PSMB1: variants seen among roughly 807,000 people sequenced by gnomAD.
PSMB1 encodes the protein proteasome 20S subunit beta 1.
Under a neutral mutation model 25.4 loss-of-function variants are expected in PSMB1, and 7 were observed. The observed-to-expected ratio is 0.28, with a 90% CI of 0.16 to 0.52. The LOEUF (loss-of-function observed/expected upper bound fraction) is 0.52. PSMB1 is among the 20% of genes least tolerant of loss of function. The pLI is 0.97. For synonymous variants in PSMB1, 119 were observed against 115.0 expected (o/e 1.03, Z -0.22); for missense variants, 284 against 302.2 (o/e 0.94, Z 0.45).
In PSMB1 at chr6:170,535,129, T is replaced by C. The variant is rs902379302; in HGVS notation, c.*91A>G. 1.7e-6 allele frequency: 2 copies of C among 1,184,882 alleles called. No individual in the cohort carries two copies. The highest frequency in any genetic ancestry group is 2.0e-5 in the South Asian group (1 of 49,362). The allele number at this position is 1,184,882 out of a possible 1,614,324, so 73.4% of individuals were successfully genotyped here. A position where few individuals can be genotyped will look rare whatever the true frequency, so the allele number is the denominator to read the frequency against. On this transcript the variant is annotated 3_prime_UTR_variant, in exon 6 of 6. Coordinates refer to ENST00000262193, the MANE Select transcript of PSMB1 (RefSeq NM_002793.4). The stretch of plus-strand genomic sequence containing the variant: ...GTTATAGCAAAATGAGTACTTCAGG[T>C]TTCTCTTTTAATAAACAAAACCATC...
Position 170,539,146 on chromosome 6 carries a change from A to G in PSMB1, c.434-1806T>C, listed in dbSNP as rs139655514. On this transcript the variant is annotated intron_variant, in intron 4 of 5. Transcript: ENST00000262193. ...GTAGAATGGCATGAATCTTGATTAC[A>G]AAGTGCTTTTCCTCATCAAAGTAAA... Among the ~76,000 whole-genome samples, 589 of 152,362 alleles carry G rather than the reference A, an allele frequency of 3.9e-3. 5 individuals are homozygous for G. The highest frequency in any genetic ancestry group is 0.014 in the African/African-American group (566 of 41,592).
chr6:170,544,842 T>C (rs1778798198), intron 3 of PSMB1, among the ~76,000 whole-genome samples: 2 of 152,224 alleles, frequency 1.3e-5, no homozygotes, highest in African/African-American at 4.8e-5. Context: ...ATAAAAACTA[T>C]AAAAAATTAT....
At chr6:170,546,956 A>G (rs1778826713) in intron 2 of PSMB1, among the ~76,000 whole-genome samples, 1 of 152,236 alleles carries the variant, frequency 6.6e-6, no homozygotes, top group Non-Finnish European at 1.5e-5. Context: ...AAGCAATAAC[A>G]TAAAGGAAAG....
At chr6:170,544,467 C>G (rs1295019539) in intron 3 of PSMB1, among the ~76,000 whole-genome samples, 1 of 152,212 alleles carries the variant, frequency 6.6e-6, no homozygotes, top group Non-Finnish European at 1.5e-5. Context: ...CTACATTACC[C>G]ACTGGTAGAG....
At chr6:170,541,302 GTTAAC>G (rs1778756656) in intron 4 of PSMB1, among the ~76,000 whole-genome samples, 2 of 152,118 alleles carry the variant, frequency 1.3e-5, no homozygotes, top group East Asian at 1.9e-4. Flanking sequence ...ATTAGAGATA[GTTAAC>G]TTAAGAAAAA....
At chr6:170,538,301 A>G (rs1229337409) in intron 4 of PSMB1, among the ~76,000 whole-genome samples, 3 of 152,236 alleles carry the variant, frequency 2.0e-5, no homozygotes, top group Non-Finnish European at 2.9e-5. Flanking sequence ...TAGAAAACAC[A>G]TTATATACCA....
At chr6:170,547,221 T>C (rs1187127226) in intron 2 of PSMB1, among the ~76,000 whole-genome samples, 1 of 152,182 alleles carries the variant, frequency 6.6e-6, no homozygotes, top group Non-Finnish European at 1.5e-5. Flanking sequence ...ACCAATTCTA[T>C]TGCTAGAAAT....
chr6:170,551,342 G>A (rs1778899274), intron 1 of PSMB1, among the ~76,000 whole-genome samples: 1 of 152,090 alleles, frequency 6.6e-6, no homozygotes, highest in African/African-American at 2.4e-5. Flanking sequence ...AGACATGAAA[G>A]AGTGCTGAGC....
chr6:170,552,291 TAAC>T (rs1205922574), intron 1 of PSMB1, among the ~76,000 whole-genome samples: 1 of 152,232 alleles, frequency 6.6e-6, no homozygotes, highest in Non-Finnish European at 1.5e-5. Flanking sequence ...GCTTGATTGG[TAAC>T]TATAACCACT....
At chr6:170,545,538 A>G (rs1367466128) in intron 3 of PSMB1, among the ~76,000 whole-genome samples, 1 of 152,232 alleles carries the variant, frequency 6.6e-6, no homozygotes, top group Non-Finnish European at 1.5e-5. Context: ...TTATTCATGA[A>G]TAGGCAAAAC....
At chr6:170,540,029 A>C (rs1451739226) in intron 4 of PSMB1, among the ~76,000 whole-genome samples, 6 of 152,214 alleles carry the variant, frequency 3.9e-5, no homozygotes, top group African/African-American at 1.4e-4. Context: ...TGTATGTATA[A>C]ACATGTACTG....
At chr6:170,547,872 C>A (rs1469275631) in intron 2 of PSMB1, among the ~76,000 whole-genome samples, 1 of 105,110 alleles carries the variant, frequency 9.5e-6, no homozygotes, top group Non-Finnish European at 1.8e-5. Context: ...CTATATCTGA[C>A]GTGTTTCACA....
At chr6:170,551,224 TGA>T (rs1778897175) in intron 1 of PSMB1, among the ~76,000 whole-genome samples, 2 of 152,122 alleles carry the variant, frequency 1.3e-5, no homozygotes, top group African/African-American at 4.8e-5. Context: ...TGAGTTGCCC[TGA>T]GAGCAGAAAA....
At chr6:170,537,373 T>C in intron 4 of PSMB1, 33 bp from the exon 5 acceptor site, 2 of 1,516,346 alleles carry the variant, frequency 1.3e-6, no homozygotes, top group African/African-American at 1.4e-5. Flanking sequence ...ATAAGGATGG[T>C]ATCCAATCAC....
intron 4 of PSMB1, among the ~76,000 whole-genome samples, chr6:170,543,204 T>C (rs998479067): frequency 1.1e-4 from 16 of 152,220 alleles, no homozygotes; most frequent in African/African-American, 3.9e-4. Context: ...ATGCTTATTA[T>C]TAATTACCCC....
In PSMB1 at chr6:170,553,224, T is replaced by G. The variant is rs200449804; in HGVS notation, c.19A>C (p.Met7Leu). The G allele has an allele frequency of 6.8e-6, 11 of 1,612,898 alleles. No homozygotes were observed. Among genetic ancestry groups the G allele is most frequent in the Admixed American group, 3.3e-5 (2 of 59,892 alleles). Residue 7 changes from methionine to leucine, a missense_variant, in exon 1 of 6, where the codon ATG (methionine) becomes CTG (leucine). By Grantham distance (15) the Met-to-Leu change is conservative. Coordinates refer to ENST00000262193, the MANE Select transcript of PSMB1 (RefSeq NM_002793.4). Reference sequence around the variant, plus strand: ...AAGTCTCTGCCAGGAGCCGAATACATGGCTGTAGAGGACAACATCGCACGG... The same window carrying G: ...AAGTCTCTGCCAGGAGCCGAATACAGGGCTGTAGAGGACAACATCGCACGG... MLSSTA[M>L]YSAPGRDLGM... is the part of the protein sequence containing the mutation.
At chr6:170,541,083 A>T (rs1408396460) in intron 4 of PSMB1, among the ~76,000 whole-genome samples, 1 of 152,160 alleles carries the variant, frequency 6.6e-6, no homozygotes. Flanking sequence ...TGTTTTTTTC[A>T]GAAATCTTTT....
chr6:170,543,646 A>G lies in PSMB1; in HGVS notation c.388T>C (p.Phe130Leu), dbSNP rs760915089. 1.2e-6 allele frequency: 2 copies of G among 1,612,252 alleles called. No homozygotes were observed. Among genetic ancestry groups the G allele is most frequent in the South Asian group, 1.1e-5 (1 of 91,010 alleles). Residue 130 changes from phenylalanine (F) to leucine (L), a missense_variant, in exon 4 of 6, where the codon TTT (phenylalanine) becomes CTT (leucine). By Grantham distance (22) the Phe-to-Leu change is conservative. Transcript: ENST00000262193. ...LSTILYSRRF[F>L]PYYVYNIIGG... Reference sequence around the variant, plus strand: ...ATGATGTTGTAAACATAGTATGGAAAGAAGCGCCTTGAATACAGGATTGTA... The same window carrying G: ...ATGATGTTGTAAACATAGTATGGAAGGAAGCGCCTTGAATACAGGATTGTA...
chr6:170,546,552 G>C (rs1001946690), intron 2 of PSMB1, among the ~76,000 whole-genome samples: 4 of 152,122 alleles, frequency 2.6e-5, no homozygotes, highest in Non-Finnish European at 5.9e-5. Context: ...TGCAACTTCC[G>C]CCTCCTGGGT....
Sources: allele counts gnomAD v4.1 joint callset (sites outside exome capture counted in the v4.1 genomes callset), GRCh38; gene constraint gnomAD v4.1.1; transcripts MANE v1.5; gene names NCBI Gene and HGNC (gene_info 2026-07-23, HGNC 2026-07-21).